CNTNAP2: variants seen among roughly 807,000 people sequenced by gnomAD.
CNTNAP2 encodes the protein contactin-associated protein-like 2.
A neutral mutation model predicts 155.2 loss-of-function variants in CNTNAP2; 98 were observed. That is an observed-to-expected ratio of 0.63 (90% confidence interval 0.54 to 0.75). The LOEUF (loss-of-function observed/expected upper bound fraction) is 0.75, where lower values mean the gene tolerates loss of function less well. CNTNAP2 is among the 30% of genes least tolerant of loss of function. CNTNAP2 has a pLI of 0.00. For missense variants in CNTNAP2, 1,727 were observed against 1,688.1 expected, an observed-to-expected ratio of 1.02 and a Z score of -0.40; for synonymous variants, 651 against 631.2, an observed-to-expected ratio of 1.03 and a Z score of -0.47.
At chr7:146,352,296 C>T (rs1258403220) in intron 1 of CNTNAP2, among the ~76,000 whole-genome samples, 1 of 152,052 alleles carries the variant, frequency 6.6e-6, no homozygotes, top group Admixed American at 6.5e-5. Context: ...GTTTTTAATA[C>T]TTTTAACATC....
chr7:147,637,529 GCT>G (rs1180900795), intron 12 of CNTNAP2, among the ~76,000 whole-genome samples: 3 of 151,924 alleles, frequency 2.0e-5, no homozygotes, highest in Admixed American at 2.0e-4. Context: ...TCTCTCTTGC[GCT>G]CTGTCTCTCT....
intron 13 of CNTNAP2, among the ~76,000 whole-genome samples, chr7:147,761,638 A>G (rs1180330466): frequency 2.0e-5 from 3 of 152,232 alleles, no homozygotes; most frequent in African/African-American, 7.2e-5. Flanking sequence ...AGGAGGATAT[A>G]ACTTCATGGG....
intron 1 of CNTNAP2, among the ~76,000 whole-genome samples, chr7:146,766,289 C>A (rs770331719): frequency 3.6e-4 from 55 of 152,228 alleles, no homozygotes; most frequent in Admixed American, 3.2e-3. Context: ...TCTCTGAGAA[C>A]ATCTATTTAA....
chr7:147,222,421 A>G (rs952346268), intron 8 of CNTNAP2, among the ~76,000 whole-genome samples: 3 of 152,056 alleles, frequency 2.0e-5, no homozygotes, highest in Non-Finnish European at 1.5e-5. Flanking sequence ...TAGCTCTAGC[A>G]TTTCTCTTTA....
chr7:146,158,329 C>T (rs368866242), intron 1 of CNTNAP2, among the ~76,000 whole-genome samples: 1 of 152,320 alleles, frequency 6.6e-6, no homozygotes, highest in East Asian at 1.9e-4. Context: ...CAGAGCGCCT[C>T]TTCTCCTCCA....
chr7:147,597,836 T>A (rs1563014716), intron 12 of CNTNAP2, among the ~76,000 whole-genome samples: 1 of 152,220 alleles, frequency 6.6e-6, no homozygotes, highest in Admixed American at 6.5e-5. Context: ...TCCAATCATA[T>A]GATCATTTGT....
chr7:146,882,496 A>G (rs753104336), intron 3 of CNTNAP2, among the ~76,000 whole-genome samples: 97 of 151,822 alleles, frequency 6.4e-4, no homozygotes, highest in Non-Finnish European at 2.2e-4. Context: ...ATGGTTTTAT[A>G]AAGGCCTTTC....
chr7:146,489,637 G>A (rs747461703), intron 1 of CNTNAP2, among the ~76,000 whole-genome samples: 5 of 152,128 alleles, frequency 3.3e-5, no homozygotes, highest in East Asian at 3.9e-4. Context: ...CTTGGCCTGC[G>A]TGTGCTACAG....
At chr7:147,524,223 A>C (rs1336954156) in intron 11 of CNTNAP2, among the ~76,000 whole-genome samples, 1 of 152,128 alleles carries the variant, frequency 6.6e-6, no homozygotes, top group Non-Finnish European at 1.5e-5. Context: ...TGCTTTGTTC[A>C]GTTGAAAAAT....
At chr7:146,973,608 G>C (rs926408586) in intron 3 of CNTNAP2, among the ~76,000 whole-genome samples, 1 of 152,090 alleles carries the variant, frequency 6.6e-6, no homozygotes, top group East Asian at 1.9e-4. Context: ...ACCATCATGA[G>C]ACATATTCCA....
At chr7:147,407,597 A>T (rs4726857) in intron 10 of CNTNAP2, among the ~76,000 whole-genome samples, 98,117 of 151,822 alleles carry the variant, frequency 0.65, 32,812 homozygotes, top group African/African-American at 0.83. Flanking sequence ...CTGGTACTAA[A>T]CTACACAATG....
chr7:146,984,459 T>C (rs1584765892), intron 3 of CNTNAP2, among the ~76,000 whole-genome samples: 1 of 152,162 alleles, frequency 6.6e-6, no homozygotes, highest in East Asian at 1.9e-4. Context: ...TTATTTTTTT[T>C]TCTCTCTCCT....
At chr7:146,683,057 A>G (rs2533118) in intron 1 of CNTNAP2, among the ~76,000 whole-genome samples, 121,772 of 152,124 alleles carry the variant, frequency 0.8, 49,332 homozygotes, top group South Asian at 0.91. Context: ...TTTTTGAGAC[A>G]GAGTCTCTCT....
At chr7:147,297,081 C>G (rs917683562) in intron 8 of CNTNAP2, among the ~76,000 whole-genome samples, 3 of 151,952 alleles carry the variant, frequency 2.0e-5, no homozygotes, top group African/African-American at 7.3e-5. Flanking sequence ...TTAAACTTAA[C>G]AAAAAAAATT....
chr7:146,831,776 G>A (rs1190362094), intron 2 of CNTNAP2, among the ~76,000 whole-genome samples: 1 of 146,948 alleles, frequency 6.8e-6, no homozygotes, highest in African/African-American at 2.5e-5. Flanking sequence ...TAGTAGTTTT[G>A]CTACTTCTAG....
In CNTNAP2 at chr7:148,123,339, G is replaced by A. The variant is rs528466876; in HGVS notation, c.2554+5051G>A. ...GCAGTAGGTCACACCTGTCATCCCA[G>A]CACTTTAGGAGGCTGAAGGGGGAGT... On this transcript the variant is annotated intron_variant, in intron 16 of 23. Coordinates refer to ENST00000361727, the MANE Select transcript of CNTNAP2 (RefSeq NM_014141.6). Among the ~76,000 whole-genome samples the A allele has an allele frequency of 1.8e-4, 28 of 152,268 alleles. No homozygotes were observed. In the South Asian group the frequency reaches 5.8e-3, roughly 32 times the overall value.
At chr7:147,802,646 C>T (rs992850609) in intron 13 of CNTNAP2, among the ~76,000 whole-genome samples, 2 of 151,994 alleles carry the variant, frequency 1.3e-5, no homozygotes, top group Admixed American at 6.6e-5. Context: ...CGTGGCGGCG[C>T]GCACCTGCAA....
rs548505263 is a variant in CNTNAP2 at position 146,158,877 on chromosome 7, G to A, written c.97+41904G>A. 2.6e-5 allele frequency among the ~76,000 whole-genome samples: 4 copies of A among 152,226 alleles called. No homozygotes were observed. In the East Asian group the frequency reaches 7.7e-4, roughly 29 times the overall value. On this transcript the variant is annotated intron_variant, in intron 1 of 23. Coordinates refer to ENST00000361727, the MANE Select transcript of CNTNAP2 (RefSeq NM_014141.6). ...TGAGGCAGGCCAACATTCAACTTCA[G>A]GAAATACAGAGAATGCTACAAAGAT...
At chr7:146,842,749 G>C (rs149189765) in intron 3 of CNTNAP2, among the ~76,000 whole-genome samples, 2 of 151,712 alleles carry the variant, frequency 1.3e-5, no homozygotes, top group Non-Finnish European at 2.9e-5. Context: ...GCAGTGACGC[G>C]ATCTCGGCTC....
Sources: allele counts gnomAD v4.1 joint callset (sites outside exome capture counted in the v4.1 genomes callset), GRCh38; gene constraint gnomAD v4.1.1; transcripts MANE v1.5; gene names NCBI Gene and HGNC (gene_info 2026-07-23, HGNC 2026-07-21).